Variants in SYNE1 observed in about 807,000 individuals in gnomAD.
SYNE1 encodes spectrin repeat containing nuclear envelope protein 1.
Under a neutral mutation model 1,111.0 loss-of-function variants are expected in SYNE1, and 616 were observed. The ratio of observed to expected loss-of-function variants is 0.55; its 90% CI spans 0.52 to 0.59. The LOEUF is 0.59. Among genes scored for constraint, SYNE1 ranks in the 20% least tolerant of loss-of-function variants. The pLI, the probability that SYNE1 is intolerant of heterozygous loss-of-function variation, is 0.00. For missense variants in SYNE1, 10,006 were observed against 10,417.0 expected (o/e 0.96, Z 1.72); for synonymous variants, 3,855 against 3,825.8 (o/e 1.01, Z -0.28).
rs201306174 is a variant in SYNE1 at position 152,326,598 on chromosome 6, C to A, written c.14991G>T (p.Arg4997Ser). 2.1e-4 allele frequency: 343 copies of A among 1,614,052 alleles called. No individual in the cohort carries two copies. Among genetic ancestry groups the A allele is most frequent in the Non-Finnish European group, 2.8e-4 (333 of 1,180,046 alleles). ...TLTEIYSQCQ[R>S]YYQVFQAAND... ...TGGCTGCTTGAAATACCTGATAATACCTTTGACACTGGCTATATATTTCAG... is the reference window on the plus strand; with the variant it reads ...TGGCTGCTTGAAATACCTGATAATAACTTTGACACTGGCTATATATTTCAG... The change falls in exon 79 of 146, where the codon AGG becomes AGT. Residue 4997 changes from arginine to serine, a missense_variant. Physicochemically the swap from Arg to Ser is moderately radical, Grantham distance 110. This residue lies in a region of SYNE1 where 4,955 missense variants were observed against 5,017.2 expected (regional missense o/e 0.99). Transcript: ENST00000367255.
At chr6:152,224,386 A>C (rs935873205) in intron 117 of SYNE1, 108 bp downstream of exon 117, 1 of 1,023,650 alleles carries the variant, frequency 9.8e-7, no homozygotes, top group Admixed American at 2.3e-5. Context: ...AAAATAATTA[A>C]ACGTAAACAA....
At position 152,344,019 on chromosome 6, in the gene SYNE1, A is replaced by G; in HGVS notation, c.12225+62T>C. On this transcript the variant is annotated intron_variant, in intron 74 of 145. Coordinates refer to ENST00000367255, the MANE Select transcript of SYNE1 (RefSeq NM_182961.4). Reference sequence around the variant, plus strand: ...GTTTGGCACATCATAGGTACTTCACACATTTTCACTGACGCTCTGAATGAT... The same window carrying G: ...GTTTGGCACATCATAGGTACTTCACGCATTTTCACTGACGCTCTGAATGAT... The G allele has an allele frequency of 3.7e-6, 6 of 1,609,270 alleles. No homozygotes were observed. The South Asian group carries it at 6.6e-5, about 18-fold the overall frequency.
chr6:152,561,642 G>T (rs1171557109), intron 3 of SYNE1, among the ~76,000 whole-genome samples: 6 of 151,980 alleles, frequency 3.9e-5, no homozygotes, highest in African/African-American at 1.4e-4. Flanking sequence ...AAAGCTGGAG[G>T]CATATTTCCT....
At position 152,385,664 on chromosome 6, in the gene SYNE1, A is replaced by G. The variant is rs772188273; in HGVS notation, c.8652+10T>C. The G allele has an allele frequency of 2.5e-6, 4 of 1,613,908 alleles. No individual in the cohort carries two copies. Among genetic ancestry groups the G allele is most frequent in the Non-Finnish European group, 3.4e-6 (4 of 1,179,934 alleles). Reference sequence around the variant, plus strand: ...AGCAATGTAGATATAGCATCTGTTCATTTCCTGACCTTAATTTTTGATAAC... The same window carrying G: ...AGCAATGTAGATATAGCATCTGTTCGTTTCCTGACCTTAATTTTTGATAAC... On this transcript the variant is annotated intron_variant, in intron 55 of 145. Transcript: ENST00000367255.
At chr6:152,324,516 G>A (rs575233339) in intron 81 of SYNE1, among the ~76,000 whole-genome samples, 3 of 152,300 alleles carry the variant, frequency 2.0e-5, no homozygotes, top group Admixed American at 6.5e-5. Context: ...CAAATGGGCC[G>A]GGCGCGGTGG....
At chr6:152,311,532 G>A (rs1252875516) in intron 87 of SYNE1, among the ~76,000 whole-genome samples, 1 of 152,206 alleles carries the variant, frequency 6.6e-6, no homozygotes, top group African/African-American at 2.4e-5. Context: ...AAGCCAGTGT[G>A]AAGAGATGAC....
At chr6:152,233,383 A>G (rs2083235141) in intron 112 of SYNE1, among the ~76,000 whole-genome samples, 1 of 151,490 alleles carries the variant, frequency 6.6e-6, no homozygotes, top group Non-Finnish European at 1.5e-5. Flanking sequence ...GCTGGAGTGC[A>G]GTGGCGCGAT....
At chr6:152,581,928 T>G (rs2099521133) in intron 3 of SYNE1, among the ~76,000 whole-genome samples, 1 of 152,198 alleles carries the variant, frequency 6.6e-6, no homozygotes, top group Admixed American at 6.5e-5. Context: ...TTGACTCTGA[T>G]AATATCACTC....
chr6:152,447,414 CCTCA>C, intron 29 of SYNE1, 40 bp downstream of exon 29: 1 of 1,601,760 alleles, frequency 6.2e-7, no homozygotes, highest in Non-Finnish European at 8.6e-7. Flanking sequence ...CTTCCAGATG[CCTCA>C]CTCAGAACTG....
At chr6:152,542,286 C>A (rs2099274869) in intron 3 of SYNE1, among the ~76,000 whole-genome samples, 1 of 152,182 alleles carries the variant, frequency 6.6e-6, no homozygotes, top group Admixed American at 6.5e-5. Context: ...AAAATAAATA[C>A]AAAACCTTTT....
At chr6:152,469,641 A>G (rs993509033) in intron 16 of SYNE1, among the ~76,000 whole-genome samples, 4 of 152,352 alleles carry the variant, frequency 2.6e-5, no homozygotes, top group Admixed American at 2.6e-4. Flanking sequence ...GTAAGATACC[A>G]TATCAATGAT....
chr6:152,176,633 CA>C, intron 129 of SYNE1, 73 bp from the exon 130 acceptor site: 3 of 1,442,418 alleles, frequency 2.1e-6, no homozygotes, highest in Non-Finnish European at 2.9e-6. Flanking sequence ...CTACTAGAAA[CA>C]TGATGATTAC....
chr6:152,302,166 C>T (rs1282857530), intron 91 of SYNE1, 103 bp from the exon 92 acceptor site: 3 of 1,504,648 alleles, frequency 2.0e-6, no homozygotes, highest in African/African-American at 2.7e-5. Flanking sequence ...GCGCGCAGAG[C>T]CGCGCGGGCC....
chr6:152,356,837 C>T (rs764688359), intron 66 of SYNE1, among the ~76,000 whole-genome samples: 12 of 152,224 alleles, frequency 7.9e-5, no homozygotes, highest in Non-Finnish European at 8.8e-5. Context: ...TTGCACCACA[C>T]GAATACCGGC....
At chr6:152,467,078 T>C (rs529762095) in intron 16 of SYNE1, among the ~76,000 whole-genome samples, 1 of 152,184 alleles carries the variant, frequency 6.6e-6, no homozygotes, top group East Asian at 1.9e-4. Context: ...ATAACTGTTT[T>C]GAGATAACAT....
Position 152,417,069 on chromosome 6 carries a change from G to C in SYNE1, c.5422-54C>G. The C allele has an allele frequency of 3.7e-6, 6 of 1,607,454 alleles. 1 individual carries two copies. In the South Asian group the frequency reaches 6.6e-5, roughly 18 times the overall value. On this transcript the variant is annotated intron_variant, in intron 40 of 145. Coordinates refer to ENST00000367255, the MANE Select transcript of SYNE1 (RefSeq NM_182961.4). ...CTGAGATACACTACAGTCTATGGCA[G>C]AGGTATTTTACAGGATTTGTGATGT...
intron 112 of SYNE1, among the ~76,000 whole-genome samples, chr6:152,232,658 AAAG>A (rs1432900977): frequency 6.6e-6 from 1 of 152,204 alleles, no homozygotes; most frequent in Admixed American, 6.5e-5. Flanking sequence ...AGGAATGTTA[AAAG>A]AAGAAAGAAA....
intron 9 of SYNE1, 59 bp from the exon 10 acceptor site, chr6:152,502,801 T>C: frequency 1.5e-6 from 2 of 1,304,438 alleles, no homozygotes. Context: ...ATTTTGATAA[T>C]ACAAGTTTGG....
rs755005602 is a variant in SYNE1, at chr6:152,505,249, T to C, written c.730A>G (p.Thr244Ala). 3.7e-6 allele frequency: 6 copies of C among 1,613,994 alleles called. No homozygotes were observed. The highest frequency in any genetic ancestry group is 2.2e-5 in the South Asian group (2 of 91,078). The change falls in exon 9 of 146, where the codon ACT becomes GCT. Residue 244 changes from threonine (T) to alanine (A), a missense_variant. By Grantham distance (58) the Thr-to-Ala change is moderately conservative. Around this residue, in one of 7 missense-constraint regions of SYNE1, gnomAD observed 1,971 missense variants for 2,084.1 expected, o/e 0.95. Transcript: ENST00000367255. ...SNRENLEDAF[T>A]IAETELGIPR... ...ATCCCCAGTTCTGTTTCGGCGATAG[T>C]GAAAGCATCCTCCAAATTTTCTCGG...
Sources: allele counts gnomAD v4.1 joint callset (sites outside exome capture counted in the v4.1 genomes callset), GRCh38; gene constraint gnomAD v4.1.1; regional missense constraint gnomAD v4.1.1; transcripts MANE v1.5; gene names NCBI Gene and HGNC (gene_info 2026-07-23, HGNC 2026-07-21).